MBD5: variants seen among roughly 807,000 people sequenced by gnomAD.
The protein encoded by MBD5 is methyl-CpG-binding domain protein 5.
A neutral mutation model predicts 117.3 loss-of-function variants in MBD5; 13 were observed. The ratio of observed to expected loss-of-function variants is 0.11; its 90% CI spans 0.07 to 0.18. The LOEUF is 0.18. Among genes scored for constraint, MBD5 ranks in the 10% least tolerant of loss-of-function variants. The pLI, the probability that MBD5 is intolerant of heterozygous loss-of-function variation, is 1.00. For missense variants in MBD5, 1,879 were observed against 2,093.8 expected (o/e 0.90, Z 2.00); for synonymous variants, 727 against 766.4 (o/e 0.95, Z 0.85).
chr2:148,320,272 C>T (rs897926491), intron 3 of MBD5, among the ~76,000 whole-genome samples: 1 of 152,100 alleles, frequency 6.6e-6, no homozygotes, highest in Non-Finnish European at 1.5e-5. Flanking sequence ...GATAGAATTA[C>T]CTCCTCCTCG....
At chr2:148,030,329 A>G (rs554625208) in intron 1 of MBD5, among the ~76,000 whole-genome samples, 230 of 152,268 alleles carry the variant, frequency 1.5e-3, no homozygotes, top group Non-Finnish European at 2.8e-3. Flanking sequence ...GATAAGAATG[A>G]AAAACAACCA....
chr2:148,075,542 C>T (rs1695488301), intron 1 of MBD5, among the ~76,000 whole-genome samples: 1 of 152,032 alleles, frequency 6.6e-6, no homozygotes, highest in Admixed American at 6.6e-5. Flanking sequence ...CATTATCACA[C>T]TTCTAAAAAA....
chr2:148,381,276 A>G (rs1044271708), intron 4 of MBD5, among the ~76,000 whole-genome samples: 8 of 152,238 alleles, frequency 5.3e-5, no homozygotes, highest in Admixed American at 5.2e-4. Context: ...TCCTTAAAGG[A>G]ACTAATGGAG....
intron 2 of MBD5, among the ~76,000 whole-genome samples, chr2:148,224,456 C>A (rs1293917399): frequency 6.6e-6 from 1 of 151,638 alleles, no homozygotes; most frequent in Non-Finnish European, 1.5e-5. Context: ...AATTCTCCTG[C>A]CTCAGCCTCT....
chr2:148,278,890 G>A (rs1326735970), intron 3 of MBD5, among the ~76,000 whole-genome samples: 1 of 152,190 alleles, frequency 6.6e-6, no homozygotes, highest in Non-Finnish European at 1.5e-5. Context: ...TGTCAGTCCT[G>A]GAGTTCAAAG....
intron 1 of MBD5, among the ~76,000 whole-genome samples, chr2:148,063,435 TA>T (rs1401062441): frequency 7.9e-5 from 12 of 152,198 alleles, no homozygotes; most frequent in Non-Finnish European, 1.5e-4. Context: ...ACTTTTTCTG[TA>T]AAAGGCCAGA....
At chr2:148,354,734 A>G (rs1045391141) in intron 4 of MBD5, among the ~76,000 whole-genome samples, 13 of 152,268 alleles carry the variant, frequency 8.5e-5, no homozygotes, top group African/African-American at 3.1e-4. Context: ...TCCCACCAAC[A>G]TGTAAAAGCA....
At chr2:148,184,648 T>G (rs1448738497) in intron 2 of MBD5, among the ~76,000 whole-genome samples, 1 of 152,242 alleles carries the variant, frequency 6.6e-6, no homozygotes, top group Non-Finnish European at 1.5e-5. Flanking sequence ...TCTTAGAATC[T>G]GTATGCCAAT....
In MBD5 at chr2:148,510,137, T is replaced by C; in HGVS notation, c.5112+2T>C. The C allele has an allele frequency of 1.3e-6, 2 of 1,598,142 alleles. No homozygotes were observed. Among genetic ancestry groups the C allele is most frequent in the Non-Finnish European group, 1.7e-6 (2 of 1,165,708 alleles). ...GAACTGGACAAAATGTCTGGGACTG[T>C]AAGTTAATTTATTTTTCCATTATAC... On this transcript the variant is annotated splice_donor_variant, in intron 13 of 13. Transcript: ENST00000642680. LOFTEE classifies it high-confidence loss of function.
chr2:148,486,000 T>G, intron 10 of MBD5, 50 bp downstream of exon 10: 3 of 1,565,910 alleles, frequency 1.9e-6, no homozygotes, highest in Non-Finnish European at 2.6e-6. Flanking sequence ...TCTGAGTTTG[T>G]TTAAATACTT....
At chr2:148,221,731 C>T (rs1346556205) in intron 2 of MBD5, among the ~76,000 whole-genome samples, 2 of 151,900 alleles carry the variant, frequency 1.3e-5, no homozygotes, top group Non-Finnish European at 2.9e-5. Context: ...TTTGTTGTTT[C>T]CTTTGCTGTG....
intron 4 of MBD5, among the ~76,000 whole-genome samples, chr2:148,421,338 C>T (rs1031812817): frequency 6.6e-6 from 1 of 152,136 alleles, no homozygotes; most frequent in African/African-American, 2.4e-5. Flanking sequence ...GTATTTCCCT[C>T]CCCTAGCCAA....
chr2:148,371,783 A>T (rs996021570), intron 4 of MBD5, among the ~76,000 whole-genome samples: 5 of 152,176 alleles, frequency 3.3e-5, no homozygotes, highest in Non-Finnish European at 7.4e-5. Flanking sequence ...ATCAGGAATT[A>T]AAAAATGACT....
chr2:148,099,400 T>A (rs759187434), intron 1 of MBD5, among the ~76,000 whole-genome samples: 1 of 152,184 alleles, frequency 6.6e-6, no homozygotes, highest in South Asian at 2.1e-4. Context: ...TTATTTCTTA[T>A]AGTTTCAGAC....
intron 3 of MBD5, among the ~76,000 whole-genome samples, chr2:148,339,671 G>A (rs899453324): frequency 6.6e-6 from 1 of 151,902 alleles, no homozygotes; most frequent in African/African-American, 2.4e-5. Flanking sequence ...AAATATCCTA[G>A]TACCTGCCAA....
intron 2 of MBD5, among the ~76,000 whole-genome samples, chr2:148,223,166 G>A (rs973681641): frequency 1.3e-5 from 2 of 151,986 alleles, no homozygotes; most frequent in Admixed American, 1.3e-4. Flanking sequence ...AATTTGGTTT[G>A]CTAGTATTTT....
chr2:148,432,988 C>T (rs914589290), intron 4 of MBD5, among the ~76,000 whole-genome samples: 1 of 152,120 alleles, frequency 6.6e-6, no homozygotes, highest in Non-Finnish European at 1.5e-5. Context: ...CTGAGTCTTC[C>T]TGTCCATGAA....
At chr2:148,234,273 T>C (rs554798445) in intron 3 of MBD5, among the ~76,000 whole-genome samples, 145 of 152,264 alleles carry the variant, frequency 9.5e-4, no homozygotes, top group African/African-American at 3.4e-3. Context: ...CTTAGAATTT[T>C]TTATTTAGTG....
chr2:148,022,603 G>T (rs1475978038), intron 1 of MBD5, among the ~76,000 whole-genome samples: 1 of 152,118 alleles, frequency 6.6e-6, no homozygotes, highest in Non-Finnish European at 1.5e-5. Context: ...TCAATAGTTT[G>T]CTGGATTGGT....
Sources: allele counts gnomAD v4.1 joint callset (sites outside exome capture counted in the v4.1 genomes callset), GRCh38; gene constraint gnomAD v4.1.1; transcripts MANE v1.5; gene names NCBI Gene and HGNC (gene_info 2026-07-23, HGNC 2026-07-21).